MYO1B: variants seen among roughly 807,000 people sequenced by gnomAD.
MYO1B encodes unconventional myosin-Ib.
Under a neutral mutation model 159.7 loss-of-function variants are expected in MYO1B, and 72 were observed. That is an observed-to-expected ratio of 0.45 (90% CI 0.37 to 0.55). The LOEUF (loss-of-function observed/expected upper bound fraction) is 0.55, where lower values mean the gene tolerates loss of function less well. Ranked by LOEUF, MYO1B falls within the 20% of genes least tolerant of loss-of-function variation. MYO1B has a pLI of 0.00. For missense variants in MYO1B, 1,062 were observed against 1,364.8 expected, an observed-to-expected ratio of 0.78 and a Z score of 3.50; for synonymous variants, 468 against 473.8, an observed-to-expected ratio of 0.99 and a Z score of 0.16.
intron 4 of MYO1B, among the ~76,000 whole-genome samples, chr2:191,338,361 T>C (rs1394261747): frequency 6.6e-6 from 1 of 152,218 alleles, no homozygotes. Context: ...TTTATTTGAA[T>C]TGCTTAAATA....
At position 191,245,453 on chromosome 2, in the gene MYO1B, A is replaced by C. The variant is rs1293138567; in HGVS notation, c.-183A>C. The C allele has an allele frequency of 6.6e-6, 1 of 151,928 alleles. No individual in the cohort carries two copies. The highest frequency in any genetic ancestry group is 1.5e-5 in the Non-Finnish European group (1 of 67,974). The allele number at this position is 151,928 out of a possible 1,614,324, so 9.4% of individuals were successfully genotyped here. A position where few individuals can be genotyped will look rare whatever the true frequency, so the allele number is the denominator to read the frequency against. On this transcript the variant is annotated 5_prime_UTR_variant, in exon 1 of 31. Coordinates refer to ENST00000392318, the MANE Select transcript of MYO1B (RefSeq NM_001130158.3). ...CGGGAGCCTCAACCGCGGCGCGTGG[A>C]GGCAGTACCAGAGCGCGCGGCGCGC...
At position 191,306,315 on chromosome 2, in the gene MYO1B, G is replaced by A. The variant is rs561680784; in HGVS notation, c.251+10089G>A. On this transcript the variant is annotated intron_variant, in intron 3 of 30. Transcript: ENST00000392318. ...AACAGCAGATGCAAAGGTCTGAAGG[G>A]GAGACAGACCGAGCTAGAACAGCAT... 2.0e-5 allele frequency among the ~76,000 whole-genome samples: 3 copies of A among 152,256 alleles called. No homozygotes were observed. The South Asian group carries it at 6.2e-4, about 32-fold the overall frequency.
Position 191,402,698 on chromosome 2 carries a change from G to A in MYO1B, c.2536G>A (p.Ala846Thr), listed in dbSNP as rs764762627. 1.6e-5 allele frequency: 26 copies of A among 1,613,306 alleles called. No individual in the cohort carries two copies. The highest frequency in any genetic ancestry group is 2.1e-5 in the Non-Finnish European group (25 of 1,179,700). The stretch of plus-strand genomic sequence containing the variant: ...TAAGCATGCAGTTGCTGTCATTTGG[G>A]CTTACTGGCTTGGACTGAAGGTACT... The part of the protein sequence containing the change: ...RRKHAVAVIW[A>T]YWLGLKVRRE... Residue 846 changes from alanine (A) to threonine (T), a missense_variant, in exon 24 of 31, where the codon GCT becomes ACT. Ala to Thr is a moderately conservative substitution (Grantham distance 58). This residue lies in a region of MYO1B where 609 missense variants were observed against 744.4 expected (regional missense o/e 0.82). Transcript: ENST00000392318.
intron 15 of MYO1B, among the ~76,000 whole-genome samples, chr2:191,385,564 CTT>C (rs1024703951): frequency 4.6e-5 from 7 of 152,050 alleles, no homozygotes; most frequent in African/African-American, 1.7e-4. Context: ...TCCAACTTGT[CTT>C]TTTGTAAGAG....
rs747732462 is a variant in MYO1B, at chr2:191,350,143, C to CAA, written c.499-16_499-15dup. 7 of 1,610,068 alleles carry CAA rather than the reference C, an allele frequency of 4.3e-6. No homozygotes were observed. The East Asian group carries it at 1.6e-4, about 36-fold the overall frequency. ...ATTTTGAGATGAACTAGAAAACTCA[C>CAA]AAAATCTTTCTTTGGCAGGGCAAAT... On this transcript the variant is annotated intron_variant, in intron 6 of 30. Transcript: ENST00000392318.
chr2:191,329,829 T>C (rs547615075), intron 3 of MYO1B, 106 bp from the exon 4 acceptor site: 307 of 820,142 alleles, frequency 3.7e-4, no homozygotes, highest in Non-Finnish European at 5.5e-4. Flanking sequence ...TAGCTTGCTT[T>C]CCAAAAGCAT....
intron 1 of MYO1B, among the ~76,000 whole-genome samples, chr2:191,254,860 A>G (rs1686341887): frequency 1.3e-5 from 2 of 152,116 alleles, no homozygotes; most frequent in South Asian, 4.1e-4. Flanking sequence ...TAATGTGTTC[A>G]TTTATTAACT....
intron 18 of MYO1B, among the ~76,000 whole-genome samples, chr2:191,390,886 C>G (rs951639983): frequency 2.6e-5 from 4 of 152,206 alleles, no homozygotes; most frequent in African/African-American, 9.6e-5. Flanking sequence ...CTCTCTTTGC[C>G]TATATCTATA....
chr2:191,260,104 G>C (rs751310014), intron 1 of MYO1B, among the ~76,000 whole-genome samples: 17 of 152,050 alleles, frequency 1.1e-4, no homozygotes, highest in Non-Finnish European at 2.5e-4. Flanking sequence ...AAAATAAGGA[G>C]TGTCCGGAGG....
intron 17 of MYO1B, 149 bp from the exon 18 acceptor site, chr2:191,390,143 T>A: frequency 1.4e-6 from 1 of 703,990 alleles, no homozygotes; most frequent in Non-Finnish European, 2.2e-6. Flanking sequence ...ATAAAATGAT[T>A]TGAAATAATT....
Position 191,423,863 on chromosome 2 carries a change from A to C in MYO1B, c.3314A>C (p.Lys1105Thr). The change falls in exon 31 of 31, where the codon AAA (lysine) becomes ACA (threonine). Residue 1105 changes from lysine (K) to threonine (T), a missense_variant. Transcript: ENST00000392318. ...DEFLVQFRQD[K>T]VCVKFIQGNQ... Reference sequence around the variant, plus strand: ...TTCCTGGTACAGTTCAGACAGGACAAAGTATGTGTGAAGTTTATTCAGGGA... The same window carrying C: ...TTCCTGGTACAGTTCAGACAGGACACAGTATGTGTGAAGTTTATTCAGGGA... The C allele has an allele frequency of 6.2e-7, 1 of 1,613,998 alleles. No individual in the cohort carries two copies. Among genetic ancestry groups the C allele is most frequent in the South Asian group, 1.1e-5 (1 of 91,058 alleles).
chr2:191,317,317 A>G (rs1690416078), intron 3 of MYO1B, among the ~76,000 whole-genome samples: 2 of 152,192 alleles, frequency 1.3e-5, no homozygotes, highest in Non-Finnish European at 2.9e-5. Flanking sequence ...TTTGGAGACG[A>G]AAGGGCATAT....
At chr2:191,382,384 A>C (rs1156835521) in intron 14 of MYO1B, among the ~76,000 whole-genome samples, 1 of 152,162 alleles carries the variant, frequency 6.6e-6, no homozygotes, top group Non-Finnish European at 1.5e-5. Flanking sequence ...CCATTTACTC[A>C]AAAGCTAAAT....
At chr2:191,421,253 A>G (rs1057187870) in intron 30 of MYO1B, among the ~76,000 whole-genome samples, 3 of 151,758 alleles carry the variant, frequency 2.0e-5, no homozygotes, top group Admixed American at 6.6e-5. Context: ...TATTTTTAGT[A>G]AAGACGAGGT....
chr2:191,317,571 C>T (rs949221946), intron 3 of MYO1B, among the ~76,000 whole-genome samples: 1 of 152,134 alleles, frequency 6.6e-6, no homozygotes, highest in Non-Finnish European at 1.5e-5. Flanking sequence ...TTGATGTGCT[C>T]CACCCATTAA....
At chr2:191,377,905 G>T (rs1269444133) in intron 13 of MYO1B, 1 of 152,172 alleles carries the variant, frequency 6.6e-6, no homozygotes, top group East Asian at 1.9e-4. Context: ...GACATGTTTT[G>T]GAGACTTTGG....
rs564145927 is a variant in MYO1B at position 191,285,840 on chromosome 2, G to C, written c.135+8810G>C. Among the ~76,000 whole-genome samples, 12 of 152,226 alleles carry C rather than the reference G, an allele frequency of 7.9e-5. No individual in the cohort carries two copies. In the South Asian group the frequency reaches 2.3e-3, roughly 29 times the overall value. On this transcript the variant is annotated intron_variant, in intron 2 of 30. Transcript: ENST00000392318. Reference sequence around the variant, plus strand: ...CTTGGGTTGTGTTGGTTCATGAGCCGTCCTGGACCCATAGTCACCCTCAGG... The same window carrying C: ...CTTGGGTTGTGTTGGTTCATGAGCCCTCCTGGACCCATAGTCACCCTCAGG...
intron 8 of MYO1B, among the ~76,000 whole-genome samples, chr2:191,361,218 ATCATACATT>A (rs1693651465): frequency 6.6e-6 from 1 of 152,230 alleles, no homozygotes; most frequent in Non-Finnish European, 1.5e-5. Context: ...GGAGGGACTA[ATCATACATT>A]TAAAAAATAA....
At chr2:191,266,396 T>A (rs1052032591) in intron 1 of MYO1B, among the ~76,000 whole-genome samples, 1 of 152,236 alleles carries the variant, frequency 6.6e-6, no homozygotes, top group Non-Finnish European at 1.5e-5. Flanking sequence ...TCCTTTGGAT[T>A]CCAGCCTGGG....
Sources: gnomAD v4.1 joint callset for allele counts (sites outside exome capture counted in the v4.1 genomes callset) on GRCh38, gnomAD v4.1.1 for gene constraint, gnomAD v4.1.1 regional missense constraint, MANE v1.5 for transcripts, NCBI Gene and HGNC (gene_info 2026-07-23, HGNC 2026-07-21) for gene names.